The following PARD3B variants were observed in gnomAD, a reference collection of about 807,000 sequenced individuals.
PARD3B encodes the protein par-3 family cell polarity regulator beta.
In PARD3B, 103 loss-of-function variants were observed where a neutral mutation model predicts 130.2. The observed-to-expected ratio is 0.79, with a 90% CI of 0.67 to 0.93. The LOEUF (loss-of-function observed/expected upper bound fraction) is 0.93, where lower values mean the gene tolerates loss of function less well. Among genes scored for constraint, PARD3B ranks in the 40% least tolerant of loss-of-function variants. PARD3B has a pLI of 0.00. For synonymous variants in PARD3B, 583 were observed against 553.2 expected (o/e 1.05, Z -0.76); for missense variants, 1,609 against 1,499.2 (o/e 1.07, Z -1.21).
At chr2:204,565,004 GC>G (rs2031583348) in intron 1 of PARD3B, among the ~76,000 whole-genome samples, 1 of 152,164 alleles carries the variant, frequency 6.6e-6, no homozygotes, top group African/African-American at 2.4e-5. Flanking sequence ...TCAAGATATC[GC>G]CTAGGCTATG....
At chr2:205,337,696 A>T (rs1285701438) in intron 18 of PARD3B, among the ~76,000 whole-genome samples, 1 of 152,100 alleles carries the variant, frequency 6.6e-6, no homozygotes, top group African/African-American at 2.4e-5. Context: ...AAATGAAGTT[A>T]TTTTCTGTTT....
At chr2:204,852,033 G>A (rs529274531) in intron 2 of PARD3B, among the ~76,000 whole-genome samples, 1 of 152,232 alleles carries the variant, frequency 6.6e-6, no homozygotes, top group South Asian at 2.1e-4. Context: ...TGATGAAAAA[G>A]TTTGGGTATG....
intron 2 of PARD3B, among the ~76,000 whole-genome samples, chr2:204,766,866 A>T (rs890440771): frequency 2.7e-5 from 4 of 150,918 alleles, no homozygotes; most frequent in African/African-American, 4.8e-5. Context: ...TTGAGGTAAA[A>T]TATTATCCAG....
intron 1 of PARD3B, among the ~76,000 whole-genome samples, chr2:204,596,654 C>T (rs943978524): frequency 2.0e-5 from 3 of 152,258 alleles, no homozygotes; most frequent in South Asian, 2.1e-4. Context: ...CTTGGCCAGG[C>T]GCGGTGGCTC....
At chr2:205,203,862 T>G (rs905730345) in intron 15 of PARD3B, among the ~76,000 whole-genome samples, 18 of 152,232 alleles carry the variant, frequency 1.2e-4, no homozygotes, top group Admixed American at 1.0e-3. Context: ...TTGATGGGCA[T>G]TTGGATTGGT....
rs2051294020 is a variant in PARD3B, at chr2:205,525,442, G to A, written c.3180+25411G>A. ...ATGTAAAAAATAATTACAATATAAT[G>A]CTGGGTGTTATGTATGCACAGTTAC... On this transcript the variant is annotated intron_variant, in intron 21 of 22. Coordinates refer to ENST00000406610, the MANE Select transcript of PARD3B (RefSeq NM_001302769.2). The surrounding 1 kb of genome is among the most constrained non-coding windows in gnomAD (Gnocchi z 4.2). Among the ~76,000 whole-genome samples the A allele has an allele frequency of 6.6e-6, 1 of 152,088 alleles. No homozygotes were observed. Among genetic ancestry groups the A allele is most frequent in the South Asian group, 2.1e-4 (1 of 4,824 alleles).
rs566014958 is a variant in PARD3B, at chr2:205,008,125, A to AT, written c.395-39448dup. On this transcript the variant is annotated intron_variant, in intron 3 of 22. Coordinates refer to ENST00000406610, the MANE Select transcript of PARD3B (RefSeq NM_001302769.2). ...CTCTTTAAACCATTGCTGATCCTAGATTTTTTTTAAGGGATGAGATTTGGT... is the reference window on the plus strand; with the variant it reads ...CTCTTTAAACCATTGCTGATCCTAGATTTTTTTTTAAGGGATGAGATTTGGT... Among the ~76,000 whole-genome samples, 9 of 151,910 alleles carry AT rather than the reference A, an allele frequency of 5.9e-5. No individual in the cohort carries two copies. The South Asian group carries it at 1.2e-3, about 21-fold the overall frequency.
intron 21 of PARD3B, among the ~76,000 whole-genome samples, chr2:205,527,625 A>T (rs1024172609): frequency 2.6e-5 from 4 of 152,128 alleles, no homozygotes; most frequent in African/African-American, 7.2e-5. Flanking sequence ...TACTGTTTCT[A>T]TGTCAGTAGT....
chr2:205,339,091 A>G (rs2043422101), intron 18 of PARD3B, among the ~76,000 whole-genome samples: 1 of 152,194 alleles, frequency 6.6e-6, no homozygotes, highest in Non-Finnish European at 1.5e-5. Flanking sequence ...AAGTTGTTTC[A>G]CTGAAATAAT....
At chr2:204,964,410 C>T (rs750546012) in intron 2 of PARD3B, among the ~76,000 whole-genome samples, 3 of 152,062 alleles carry the variant, frequency 2.0e-5, no homozygotes, top group Non-Finnish European at 4.4e-5. Flanking sequence ...TGGAAATGAA[C>T]AATTTAGAGT....
chr2:205,335,931 C>T (rs908913867), intron 18 of PARD3B, among the ~76,000 whole-genome samples: 1 of 152,140 alleles, frequency 6.6e-6, no homozygotes, highest in African/African-American at 2.4e-5. Flanking sequence ...ACAAGTAAGA[C>T]TATAATTCAA....
At chr2:204,594,415 GAGA>G (rs2033200917) in intron 1 of PARD3B, among the ~76,000 whole-genome samples, 1 of 152,224 alleles carries the variant, frequency 6.6e-6, no homozygotes, top group Non-Finnish European at 1.5e-5. Flanking sequence ...AAGAAATTTA[GAGA>G]AGGTGACTAG....
At chr2:205,302,279 G>A (rs1055641376) in intron 18 of PARD3B, among the ~76,000 whole-genome samples, 8 of 151,592 alleles carry the variant, frequency 5.3e-5, no homozygotes, top group African/African-American at 1.7e-4. Context: ...TGTGGGCCAG[G>A]AGTCTTGAAC....
At chr2:204,864,362 C>G (rs937744600) in intron 2 of PARD3B, among the ~76,000 whole-genome samples, 4 of 152,174 alleles carry the variant, frequency 2.6e-5, no homozygotes, top group African/African-American at 9.7e-5. Flanking sequence ...TCTGGCCCTA[C>G]TATCTTCTCT....
At chr2:204,970,138 C>A (rs1336423693) in intron 3 of PARD3B, among the ~76,000 whole-genome samples, 1 of 152,096 alleles carries the variant, frequency 6.6e-6, no homozygotes, top group Non-Finnish European at 1.5e-5. Flanking sequence ...CTTCCCCTGA[C>A]TAGTCCCTAC....
intron 4 of PARD3B, among the ~76,000 whole-genome samples, chr2:205,050,769 T>C (rs1436964781): frequency 1.3e-5 from 2 of 152,078 alleles, no homozygotes; most frequent in African/African-American, 2.4e-5. Flanking sequence ...GTGGTTCTTA[T>C]TCTGTTTTAT....
intron 16 of PARD3B, among the ~76,000 whole-genome samples, chr2:205,293,041 C>A (rs2041665603): frequency 6.6e-6 from 1 of 151,502 alleles, no homozygotes; most frequent in Non-Finnish European, 1.5e-5. Context: ...GTAAATAACT[C>A]AGTTATTGAG....
chr2:204,564,993 A>G (rs1407015363), intron 1 of PARD3B, among the ~76,000 whole-genome samples: 1 of 152,224 alleles, frequency 6.6e-6, no homozygotes, highest in East Asian at 1.9e-4. Flanking sequence ...CCAGGCTGCA[A>G]TCAAGATATC....
At chr2:205,534,370 G>A (rs2051743098) in intron 21 of PARD3B, among the ~76,000 whole-genome samples, 1 of 152,200 alleles carries the variant, frequency 6.6e-6, no homozygotes, top group South Asian at 2.1e-4. Context: ...AGATGCTTGG[G>A]AAGCTGGAGG....
Sources: allele counts gnomAD v4.1 joint callset (sites outside exome capture counted in the v4.1 genomes callset), GRCh38; gene constraint gnomAD v4.1.1; non-coding constraint Gnocchi (gnomAD v3.1); transcripts MANE v1.5; gene names NCBI Gene and HGNC (gene_info 2026-07-23, HGNC 2026-07-21).